The following MGAT4D variants were observed in gnomAD, a reference collection of about 807,000 sequenced individuals.
MGAT4D encodes alpha-1,3-mannosyl-glycoprotein 4-beta-N-acetylglucosaminyltransferase-like protein MGAT4D.
MGAT4D carries 34 observed loss-of-function variants against 15.9 expected under a neutral mutation model. The observed-to-expected ratio is 2.14, with a 90% CI of 1.62 to 2.84. The LOEUF (loss-of-function observed/expected upper bound fraction) is 2.84. MGAT4D is among the 30% of genes most tolerant of loss of function. MGAT4D has a pLI of 0.00. For missense variants in MGAT4D, 327 were observed against 140.2 expected, an observed-to-expected ratio of 2.33 and a Z score of -6.73; for synonymous variants, 112 against 48.2, an observed-to-expected ratio of 2.33 and a Z score of -5.49.
At chr4:140,447,299 A>G (rs1730195633) in intron 10 of MGAT4D, among the ~76,000 whole-genome samples, 1 of 152,162 alleles carries the variant, frequency 6.6e-6, no homozygotes, top group South Asian at 2.1e-4. Context: ...TAATACTGTC[A>G]GTGGGGTATT....
intron 9 of MGAT4D, 141 bp from the exon 10 acceptor site, chr4:140,451,658 C>A (rs2126680871): frequency 2.6e-6 from 1 of 379,844 alleles, no homozygotes; most frequent in East Asian, 3.8e-5. Context: ...ATATTTAATT[C>A]TTAGCTTTTT....
At chr4:140,492,245 G>A (rs747873139) in intron 1 of MGAT4D, among the ~76,000 whole-genome samples, 3 of 152,160 alleles carry the variant, frequency 2.0e-5, no homozygotes, top group Non-Finnish European at 4.4e-5. Context: ...TGTGTCGGGA[G>A]AGGAGAGAGA....
At chr4:140,479,931 C>T (rs1732586566) in intron 2 of MGAT4D, among the ~76,000 whole-genome samples, 1 of 152,106 alleles carries the variant, frequency 6.6e-6, no homozygotes, top group South Asian at 2.1e-4. Flanking sequence ...AATTGGCTTA[C>T]TCTGCTACTT....
chr4:140,443,953 T>C (rs1039682314), intron 10 of MGAT4D, among the ~76,000 whole-genome samples: 21 of 152,104 alleles, frequency 1.4e-4, no homozygotes, highest in Admixed American at 8.5e-4. Context: ...TCATATGAAA[T>C]GAGTTTTGAA....
intron 10 of MGAT4D, among the ~76,000 whole-genome samples, chr4:140,449,589 C>G (rs1730343560): frequency 6.6e-6 from 1 of 152,102 alleles, no homozygotes; most frequent in Non-Finnish European, 1.5e-5. Context: ...GAAACCCCGT[C>G]TCTACTAAAA....
intron 5 of MGAT4D, among the ~76,000 whole-genome samples, chr4:140,467,469 C>A (rs1220262637): frequency 6.6e-6 from 1 of 152,010 alleles, no homozygotes; most frequent in Non-Finnish European, 1.5e-5. Flanking sequence ...AAATTCCATC[C>A]AAAGTCCAAA....
At chr4:140,485,958 C>T (rs1031397881) in intron 1 of MGAT4D, among the ~76,000 whole-genome samples, 1 of 151,214 alleles carries the variant, frequency 6.6e-6, no homozygotes, top group African/African-American at 2.4e-5. Flanking sequence ...GATAATTCCT[C>T]TCCCCTGCTC....
Position 140,456,613 on chromosome 4 carries a change from C to T in MGAT4D, c.984G>A (p.Lys328=). ...CAAGATCTTCTCCTGCGTCACACAC[C>T]TTTACCTGAAAAATGTCATTCAAGA... is the stretch of plus-strand genomic sequence containing the variant. ...DWLLNDIFQV[K]VCDAGEDLRN... Residue 328 remains lysine, a synonymous_variant, in exon 9 of 11, where the codon AAG becomes AAA. Transcript: ENST00000511113. The T allele has an allele frequency of 2.9e-6, 2 of 690,900 alleles. No homozygotes were observed. Among genetic ancestry groups the T allele is most frequent in the Non-Finnish European group, 2.6e-6 (1 of 379,414 alleles). The allele number at this position is 690,900 out of a possible 1,614,324, so 42.8% of individuals were successfully genotyped here.
chr4:140,449,374 A>T (rs1730326824), intron 10 of MGAT4D, among the ~76,000 whole-genome samples: 1 of 152,204 alleles, frequency 6.6e-6, no homozygotes. Context: ...TTATTAAGTT[A>T]TTATTTTTTG....
At chr4:140,472,955 CAA>C (rs1241644304) in intron 4 of MGAT4D, among the ~76,000 whole-genome samples, 1 of 151,812 alleles carries the variant, frequency 6.6e-6, no homozygotes, top group Admixed American at 6.6e-5. Flanking sequence ...TTTCTGCATT[CAA>C]AGACATCTTT....
intron 10 of MGAT4D, among the ~76,000 whole-genome samples, chr4:140,450,898 C>A (rs1730429784): frequency 6.6e-6 from 1 of 152,056 alleles, no homozygotes; most frequent in Non-Finnish European, 1.5e-5. Context: ...TTCTACTACA[C>A]TAAGGGGCTA....
At chr4:140,472,216 T>C (rs1578681891) in intron 4 of MGAT4D, among the ~76,000 whole-genome samples, 1 of 152,178 alleles carries the variant, frequency 6.6e-6, no homozygotes, top group South Asian at 2.1e-4. Context: ...TCCTGAGTAT[T>C]ATATGACAAT....
chr4:140,447,102 T>A (rs116301818), intron 10 of MGAT4D, among the ~76,000 whole-genome samples: 380 of 152,226 alleles, frequency 2.5e-3, no homozygotes, highest in African/African-American at 8.9e-3. Context: ...TTGTTTTGCA[T>A]TTGCTGAGGA....
intron 5 of MGAT4D, among the ~76,000 whole-genome samples, chr4:140,465,345 A>G (rs1313485547): frequency 6.6e-6 from 1 of 152,224 alleles, no homozygotes; most frequent in African/African-American, 2.4e-5. Flanking sequence ...AGAAAGCAAG[A>G]ATATTTGATG....
At chr4:140,478,177 T>A (rs761616346) in intron 3 of MGAT4D, among the ~76,000 whole-genome samples, 4 of 152,266 alleles carry the variant, frequency 2.6e-5, no homozygotes, top group Non-Finnish European at 5.9e-5. Context: ...TGTTGGGGAA[T>A]TAGAAAATTA....
At chr4:140,492,052 T>C (rs1321890215) in intron 1 of MGAT4D, among the ~76,000 whole-genome samples, 1 of 152,180 alleles carries the variant, frequency 6.6e-6, no homozygotes, top group African/African-American at 2.4e-5. Flanking sequence ...ACTATAGTAA[T>C]ATATAGCAAA....
chr4:140,469,918 G>A (rs533758421), intron 5 of MGAT4D, among the ~76,000 whole-genome samples: 4 of 152,256 alleles, frequency 2.6e-5, no homozygotes, highest in Non-Finnish European at 2.9e-5. Context: ...CTGCTCTGCA[G>A]TGCATCCTGT....
chr4:140,482,431 A>G lies in MGAT4D; in HGVS notation c.149T>C (p.Leu50Pro), dbSNP rs1732803395. ...TTTTTCAGTTTTGTTTCTTAAGTGTAGCATATTTTCTTTAAACTCCAAAAT... is the reference window on the plus strand; with the variant it reads ...TTTTTCAGTTTTGTTTCTTAAGTGTGGCATATTTTCTTTAAACTCCAAAAT... Reference protein sequence around the residue: ...NHILEFKENMLHLRNKTEKNT... With the variant: ...NHILEFKENMPHLRNKTEKNT... The change falls in exon 2 of 11, where the codon CTA becomes CCA. Residue 50 changes from leucine to proline, a missense_variant. Coordinates refer to ENST00000511113, the MANE Select transcript of MGAT4D (RefSeq NM_001277353.2). 1.6e-6 allele frequency: 1 copy of G among 641,706 alleles called. No individual in the cohort carries two copies. Among genetic ancestry groups the G allele is most frequent in the Non-Finnish European group, 2.8e-6 (1 of 362,276 alleles). 39.8% of individuals were successfully genotyped at this position (641,706 alleles called of 1,614,324 possible).
At chr4:140,476,628 C>T (rs1459404321) in intron 3 of MGAT4D, among the ~76,000 whole-genome samples, 2 of 152,168 alleles carry the variant, frequency 1.3e-5, no homozygotes, top group African/African-American at 4.8e-5. Context: ...TGACCTGGTA[C>T]TGATCTATCC....
Sources: allele counts gnomAD v4.1 joint callset (sites outside exome capture counted in the v4.1 genomes callset), GRCh38; gene constraint gnomAD v4.1.1; transcripts MANE v1.5; gene names NCBI Gene and HGNC (gene_info 2026-07-23, HGNC 2026-07-21).